IFT74: variants seen among roughly 807,000 people sequenced by gnomAD.
IFT74 encodes the protein intraflagellar transport 74.
A neutral mutation model predicts 96.7 loss-of-function variants in IFT74; 92 were observed. That is an observed-to-expected ratio of 0.95 (90% confidence interval 0.80 to 1.13). The LOEUF (loss-of-function observed/expected upper bound fraction) is 1.13. Ranked by LOEUF, IFT74 falls within the 50% of genes most tolerant of loss-of-function variation. IFT74 has a pLI of 0.00. For missense variants in IFT74, 811 were observed against 698.2 expected (o/e 1.16, Z -1.82); for synonymous variants, 223 against 213.2 (o/e 1.05, Z -0.40).
chr9:27,021,163 A>T (rs1158133296), intron 12 of IFT74, among the ~76,000 whole-genome samples: 1 of 152,032 alleles, frequency 6.6e-6, no homozygotes, highest in South Asian at 2.1e-4. Flanking sequence ...GTATAAATAT[A>T]TATGTATGTA....
intron 13 of IFT74, among the ~76,000 whole-genome samples, chr9:27,030,572 A>G (rs1055471948): frequency 3.3e-5 from 5 of 149,344 alleles, no homozygotes; most frequent in African/African-American, 1.2e-4. Context: ...AAAAGGGTAC[A>G]CTGTTCTATA....
chr9:27,027,414 T>C (rs144540001), intron 12 of IFT74, among the ~76,000 whole-genome samples: 65 of 152,298 alleles, frequency 4.3e-4, no homozygotes, highest in African/African-American at 1.4e-3. Flanking sequence ...TACATTTCTA[T>C]GTAATATAAT....
chr9:27,016,688 A>C (rs951110022), intron 10 of IFT74, among the ~76,000 whole-genome samples: 5 of 152,176 alleles, frequency 3.3e-5, no homozygotes, highest in African/African-American at 1.2e-4. Context: ...AAGGCTATCA[A>C]CTTCTTGTGA....
rs1349288699 is a variant in IFT74 at position 26,961,083 on chromosome 9, G to GTTT, written c.-19-850_-19-848dup. Among the ~76,000 whole-genome samples the GTTT allele has an allele frequency of 6.9e-4, 82 of 118,500 alleles. 1 individual carries two copies. The highest frequency in any genetic ancestry group is 8.9e-4 in the African/African-American group (28 of 31,464). 77.7% of individuals were successfully genotyped at this position (118,500 alleles called of 152,430 possible). A position where few individuals can be genotyped will look rare whatever the true frequency, so the allele number is the denominator to read the frequency against. ...CAGATCCTCAGAAGAAGTGAATCTT[G>GTTT]TTTTTTTTTTTTTTTTTTGGGTGGG... On this transcript the variant is annotated intron_variant, in intron 1 of 19. Transcript: ENST00000380062.
In IFT74 at chr9:27,047,310, A is replaced by T. The variant is rs1412523380; in HGVS notation, c.1145A>T (p.Glu382Val). 6.2e-7 allele frequency: 1 copy of T among 1,613,382 alleles called. No individual in the cohort carries two copies. The highest frequency in any genetic ancestry group is 8.5e-7 in the Non-Finnish European group (1 of 1,179,452). ...ACTTTTGAGGAAACAAAGAATCAGG[A>T]ACTGAAACGAAAGGCACAGATAGAA... The part of the protein sequence containing the change: ...IETFEETKNQ[E>V]LKRKAQIEAN... The change falls in exon 15 of 20, where the codon GAA (glutamate) becomes GTA (valine). Residue 382 changes from glutamate to valine, a missense_variant. Physicochemically the swap from Glu to Val is moderately radical, Grantham distance 121. Coordinates refer to ENST00000380062, the MANE Select transcript of IFT74 (RefSeq NM_025103.4).
chr9:27,055,568 A>T lies in IFT74; in HGVS notation c.1334-41A>T, dbSNP rs114655203. 3.5e-3 allele frequency: 5,010 copies of T among 1,411,678 alleles called. 156 individuals carry two copies. The African/African-American group carries it at 0.066, about 19-fold the overall frequency. The allele number at this position is 1,411,678 out of a possible 1,614,324, so 87.4% of individuals were successfully genotyped here. On this transcript the variant is annotated intron_variant, in intron 16 of 19. Transcript: ENST00000380062. ...TTACATTTCCTTATGTGAAAGGAAT[A>T]AAATTTTGATTAATTATCACCTTAA...
chr9:27,028,987 T>C (rs990043952), intron 12 of IFT74, 38 bp from the exon 13 acceptor site: 1 of 1,522,916 alleles, frequency 6.6e-7, no homozygotes, highest in Non-Finnish European at 9.0e-7. Flanking sequence ...TGAATGTCTA[T>C]ATTTCCTTCA....
At chr9:26,998,342 T>C (rs968438583) in intron 8 of IFT74, 3 of 710,526 alleles carry the variant, frequency 4.2e-6, no homozygotes, top group Middle Eastern at 4.2e-4. Context: ...GGACGTTATT[T>C]TGGGAAAAAA....
chr9:26,977,993 A>G (rs1026320639), intron 2 of IFT74, 135 bp from the exon 3 acceptor site: 2 of 658,194 alleles, frequency 3.0e-6, no homozygotes, highest in South Asian at 2.4e-5. Flanking sequence ...TAATTCAGAC[A>G]TTTAAAAAAT....
chr9:26,948,448 A>ATTATTATTATTATTATTTTTTTTT (rs1825819541), intron 1 of IFT74, among the ~76,000 whole-genome samples: 5 of 59,166 alleles, frequency 8.5e-5, no homozygotes, highest in Non-Finnish European at 1.9e-4. Flanking sequence ...GCTTTCCATT[A>ATTATTATTATTATTATTTTTTTTT]TTTTTTTTTT....
At chr9:27,058,182 G>A (rs945603631) in intron 18 of IFT74, among the ~76,000 whole-genome samples, 1 of 151,224 alleles carries the variant, frequency 6.6e-6, no homozygotes, top group Non-Finnish European at 1.5e-5. Context: ...TGGAGCTCCT[G>A]GACTCAACCG....
At chr9:26,995,599 T>C in intron 8 of IFT74, 1 of 1,607,346 alleles carries the variant, frequency 6.2e-7, no homozygotes, top group Non-Finnish European at 8.5e-7. Flanking sequence ...CAAATGAATG[T>C]AATTGTTCAA....
chr9:26,953,111 A>G (rs1410374014), upstream of IFT74, among the ~76,000 whole-genome samples: 1 of 152,226 alleles, frequency 6.6e-6, no homozygotes, highest in Non-Finnish European at 1.5e-5. Context: ...CTTCCGGGCC[A>G]TAAGTTAGGG....
chr9:26,951,075 A>G (rs944196243), intron 1 of IFT74, among the ~76,000 whole-genome samples: 15 of 152,262 alleles, frequency 9.9e-5, no homozygotes, highest in Non-Finnish European at 1.8e-4. Context: ...AAATGTCCGT[A>G]ATGACAGTAG....
intron 12 of IFT74, among the ~76,000 whole-genome samples, chr9:27,026,215 A>G (rs1419293880): frequency 1.3e-5 from 2 of 152,186 alleles, no homozygotes; most frequent in African/African-American, 4.8e-5. Context: ...AGACTTTAAC[A>G]ACAATTGAAA....
chr9:27,015,592 G>A (rs185648103), intron 10 of IFT74, among the ~76,000 whole-genome samples: 3 of 152,076 alleles, frequency 2.0e-5, no homozygotes, highest in Admixed American at 6.5e-5. Flanking sequence ...AGCCAAGATC[G>A]CACCACTGCA....
intron 16 of IFT74, among the ~76,000 whole-genome samples, chr9:27,052,120 A>T (rs1309348305): frequency 1.3e-5 from 2 of 152,232 alleles, no homozygotes; most frequent in East Asian, 1.9e-4. Flanking sequence ...TACATTTTTT[A>T]AAAGGCAAAA....
chr9:27,047,934 A>G (rs926678989), intron 15 of IFT74, among the ~76,000 whole-genome samples: 2 of 152,168 alleles, frequency 1.3e-5, no homozygotes, highest in African/African-American at 2.4e-5. Flanking sequence ...AAGGAAATGA[A>G]AAAAAACCCA....
chr9:26,993,011 G>T (rs1359652567), intron 8 of IFT74: 1 of 152,088 alleles, frequency 6.6e-6, no homozygotes, highest in Non-Finnish European at 1.5e-5. Flanking sequence ...TAAGACACCT[G>T]GCATTAATTC....
Sources: gnomAD v4.1 joint callset for allele counts (sites outside exome capture counted in the v4.1 genomes callset) on GRCh38, gnomAD v4.1.1 for gene constraint, MANE v1.5 for transcripts, NCBI Gene and HGNC (gene_info 2026-07-23, HGNC 2026-07-21) for gene names.